RIN2: variants seen among roughly 807,000 people sequenced by gnomAD.
The protein encoded by RIN2 is RAB5 interacting protein 2.
RIN2 carries 36 observed loss-of-function variants against 78.0 expected under a neutral mutation model. That is an observed-to-expected ratio of 0.46 (90% CI 0.35 to 0.61). The LOEUF is 0.61. Among genes scored for constraint, RIN2 ranks in the 20% least tolerant of loss-of-function variants. The probability of loss-of-function intolerance (pLI) is 0.00; values close to 1 mark genes in which losing one functional copy is unlikely to be tolerated. For missense variants in RIN2, 1,087 were observed against 1,159.7 expected (o/e 0.94, Z 0.91); for synonymous variants, 466 against 466.8 (o/e 1.00, Z 0.02).
intron 1 of RIN2, among the ~76,000 whole-genome samples, chr20:19,797,059 G>T (rs976286303): frequency 6.6e-6 from 1 of 152,310 alleles, no homozygotes; most frequent in East Asian, 1.9e-4. Context: ...GAAAGAGATT[G>T]GAATAATTTG....
chr20:19,934,982 A>C, intron 3 of RIN2, 117 bp from the exon 4 acceptor site: 1 of 639,520 alleles, frequency 1.6e-6, no homozygotes, highest in Admixed American at 3.2e-5. Flanking sequence ...AAAAAAAAAA[A>C]GAAATAGAAA....
At chr20:19,940,532 T>A (rs2040826106) in intron 4 of RIN2, among the ~76,000 whole-genome samples, 1 of 152,162 alleles carries the variant, frequency 6.6e-6, no homozygotes, top group Non-Finnish European at 1.5e-5. Flanking sequence ...AGGAGCTGAT[T>A]AAATCTCCCT....
chr20:19,918,960 C>T (rs902028281), intron 3 of RIN2, among the ~76,000 whole-genome samples: 4 of 152,212 alleles, frequency 2.6e-5, no homozygotes, highest in African/African-American at 7.2e-5. Flanking sequence ...TTGATATTCA[C>T]GGCAAATCTA....
chr20:19,810,031 G>A (rs2035537669), intron 2 of RIN2, among the ~76,000 whole-genome samples: 1 of 151,890 alleles, frequency 6.6e-6, no homozygotes. Context: ...TGACTGCAAG[G>A]CCAAGTTGCA....
At chr20:19,794,119 C>CAATT (rs10626073) in intron 1 of RIN2, among the ~76,000 whole-genome samples, 148,978 of 152,254 alleles carry the variant, frequency 0.98, 72,905 homozygotes, top group East Asian at 1. Context: ...CCCAAGATCA[C>CAATT]AAGGATCCAA....
At chr20:19,912,475 C>CTTTTTTTTTTTTTTTTTTT (rs545323465) in intron 3 of RIN2, among the ~76,000 whole-genome samples, 26 of 110,922 alleles carry the variant, frequency 2.3e-4, no homozygotes, top group Admixed American at 3.1e-4. Context: ...TTTTCTTTTT[C>CTTTTTTTTTTTTTTTTTTT]TTTTTTTTTT....
At chr20:19,895,296 A>G (rs1268912655) in intron 3 of RIN2, among the ~76,000 whole-genome samples, 2 of 152,216 alleles carry the variant, frequency 1.3e-5, no homozygotes, top group Admixed American at 6.5e-5. Context: ...CATCACGGCT[A>G]TGATCCTGAG....
Position 20,001,235 on chromosome 20 carries a change from A to T in RIN2, c.*299A>T, listed in dbSNP as rs1808352610. On this transcript the variant is annotated 3_prime_UTR_variant, in exon 13 of 13. Transcript: ENST00000255006. ...TCTAGGTTGGCTTACAGGTATGTATATGTGCAGAAGAAACACTTAAGATAC... is the reference window on the plus strand; with the variant it reads ...TCTAGGTTGGCTTACAGGTATGTATTTGTGCAGAAGAAACACTTAAGATAC... 1 of 351,330 alleles carries T rather than the reference A, an allele frequency of 2.8e-6. No homozygotes were observed. Among genetic ancestry groups the T allele is most frequent in the African/African-American group, 2.0e-5 (1 of 49,466 alleles). The allele number at this position is 351,330 out of a possible 1,614,324, so 21.8% of individuals were successfully genotyped here.
intron 1 of RIN2, among the ~76,000 whole-genome samples, chr20:19,774,150 A>G (rs1425211485): frequency 6.6e-6 from 1 of 152,032 alleles, no homozygotes; most frequent in Non-Finnish European, 1.5e-5. Context: ...ATTTTTCAAG[A>G]CAGAGCTCAG....
chr20:19,987,675 CATA>C (rs1203747026), intron 9 of RIN2, among the ~76,000 whole-genome samples: 4 of 152,168 alleles, frequency 2.6e-5, no homozygotes, highest in African/African-American at 7.2e-5. Flanking sequence ...AATTTTTTAT[CATA>C]ATGATGATAT....
At chr20:19,863,301 T>C (rs564823399) in intron 2 of RIN2, among the ~76,000 whole-genome samples, 1 of 152,352 alleles carries the variant, frequency 6.6e-6, no homozygotes, top group South Asian at 2.1e-4. Flanking sequence ...TCACCTGTCA[T>C]AGATGTTGTG....
At chr20:19,905,115 G>C (rs948006425) in intron 3 of RIN2, among the ~76,000 whole-genome samples, 2 of 152,114 alleles carry the variant, frequency 1.3e-5, no homozygotes, top group Non-Finnish European at 2.9e-5. Context: ...TTATTGTACA[G>C]GTCCCCTTGA....
At chr20:19,844,530 G>T (rs2036673739) in intron 2 of RIN2, among the ~76,000 whole-genome samples, 1 of 152,022 alleles carries the variant, frequency 6.6e-6, no homozygotes, top group African/African-American at 2.4e-5. Context: ...GTGCATGGCT[G>T]GTGTGTGACA....
intron 2 of RIN2, among the ~76,000 whole-genome samples, chr20:19,857,522 G>A (rs547212047): frequency 1.3e-5 from 2 of 152,302 alleles, no homozygotes; most frequent in East Asian, 1.9e-4. Context: ...CTGGATTATA[G>A]AGCAAGCATA....
At chr20:19,924,342 T>TC (rs2040090785) in intron 3 of RIN2, among the ~76,000 whole-genome samples, 1 of 21,898 alleles carries the variant, frequency 4.6e-5, no homozygotes, top group Non-Finnish European at 8.4e-5. Flanking sequence ...CACCTCTTCA[T>TC]ACCCCACCTC....
intron 3 of RIN2, among the ~76,000 whole-genome samples, chr20:19,913,441 C>T (rs2039557952): frequency 6.6e-6 from 1 of 152,184 alleles, no homozygotes. Context: ...AGCCACCATG[C>T]CCAGTCACAT....
In RIN2 at chr20:19,909,535, G is replaced by A. The variant is rs540247918; in HGVS notation, c.57+19877G>A. Among the ~76,000 whole-genome samples the A allele has an allele frequency of 7.9e-5, 12 of 152,182 alleles. No individual in the cohort carries two copies. In the South Asian group the frequency reaches 2.3e-3, roughly 29 times the overall value. ...TGTGTGCTTGTGTGCACGTCTCTGT[G>A]TTGAGCCCCGGCACACACTCTGCAC... On this transcript the variant is annotated intron_variant, in intron 3 of 12. Transcript: ENST00000255006.
At chr20:19,842,478 G>A (rs1291837285) in intron 2 of RIN2, among the ~76,000 whole-genome samples, 1 of 141,274 alleles carries the variant, frequency 7.1e-6, no homozygotes, top group African/African-American at 2.6e-5. Flanking sequence ...TGGACCTCAG[G>A]TGATCCACCT....
intron 9 of RIN2, among the ~76,000 whole-genome samples, chr20:19,982,604 T>G (rs1182318361): frequency 6.6e-6 from 1 of 152,170 alleles, no homozygotes; most frequent in African/African-American, 2.4e-5. Flanking sequence ...GGGTGCTTGG[T>G]CATATTTCTT....
Sources: gnomAD v4.1 joint callset for allele counts (sites outside exome capture counted in the v4.1 genomes callset) on GRCh38, gnomAD v4.1.1 for gene constraint, MANE v1.5 for transcripts, NCBI Gene and HGNC (gene_info 2026-07-23, HGNC 2026-07-21) for gene names.